Variants in ARHGEF18 observed in about 807,000 individuals in gnomAD.
ARHGEF18 encodes Rho/Rac guanine nucleotide exchange factor 18.
A neutral mutation model predicts 155.7 loss-of-function variants in ARHGEF18; 93 were observed. That is an observed-to-expected ratio of 0.60 (90% CI 0.50 to 0.71). The LOEUF is 0.71. ARHGEF18 is among the 30% of genes least tolerant of loss of function. ARHGEF18 has a pLI of 0.00. For synonymous variants in ARHGEF18, 742 were observed against 753.1 expected (o/e 0.99, Z 0.24); for missense variants, 1,593 against 1,816.1 (o/e 0.88, Z 2.23).
intron 2 of ARHGEF18, among the ~76,000 whole-genome samples, chr19:7,372,456 A>G (rs1023221362): frequency 6.9e-6 from 1 of 144,382 alleles, no homozygotes; most frequent in Non-Finnish European, 1.5e-5. Context: ...TAGGAACAGG[A>G]GCAGAAACTG....
intron 10 of ARHGEF18, among the ~76,000 whole-genome samples, chr19:7,416,707 A>G (rs1254215461): frequency 6.7e-6 from 1 of 148,396 alleles, no homozygotes; most frequent in African/African-American, 2.5e-5. Context: ...GGTTCACACC[A>G]TTCTCCTGCC....
chr19:7,367,915 A>T (rs1425896215), intron 2 of ARHGEF18, among the ~76,000 whole-genome samples: 1 of 119,284 alleles, frequency 8.4e-6, no homozygotes, highest in Non-Finnish European at 1.7e-5. Flanking sequence ...TATATATTTT[A>T]TATATATATA....
chr19:7,410,654 A>T (rs12974647), intron 10 of ARHGEF18, among the ~76,000 whole-genome samples: 2 of 151,632 alleles, frequency 1.3e-5, no homozygotes, highest in Non-Finnish European at 2.9e-5. Flanking sequence ...TACTAAAAAT[A>T]AAAAAATTAG....
At chr19:7,478,163 G>T in the ARHGEF18 span, 1 of 778,564 alleles carries the variant, frequency 1.3e-6, no homozygotes, top group Non-Finnish European at 2.0e-6. Context: ...ATCTGTAAAA[G>T]GTACCGCCAC....
intron 1 of ARHGEF18, among the ~76,000 whole-genome samples, chr19:7,353,144 T>C (rs1378040966): frequency 6.6e-6 from 1 of 151,896 alleles, no homozygotes; most frequent in African/African-American, 2.4e-5. Context: ...CCCCTAGGTT[T>C]CCTTTCTTTC....
At chr19:7,352,508 T>C in intron 1 of ARHGEF18, among the ~76,000 whole-genome samples, 1 of 149,888 alleles carries the variant, frequency 6.7e-6, no homozygotes, top group East Asian at 1.9e-4. Context: ...TTACATTATG[T>C]CCTTCTCACT....
intron 13 of ARHGEF18, among the ~76,000 whole-genome samples, chr19:7,442,991 G>A (rs1371323906): frequency 6.6e-6 from 1 of 151,284 alleles, no homozygotes; most frequent in Non-Finnish European, 1.5e-5. Flanking sequence ...CCAGGTTCAA[G>A]CAATTGTCCT....
At chr19:7,469,189 C>T (rs2241396) in intron 27 of ARHGEF18, 58 bp downstream of exon 27, 531,994 of 1,489,106 alleles carry the variant, frequency 0.36, 96,494 homozygotes, top group Middle Eastern at 0.46. Flanking sequence ...CAGGCTCTAG[C>T]GGCTCGCTGG....
intron 10 of ARHGEF18, among the ~76,000 whole-genome samples, chr19:7,425,328 G>GA (rs1049050733): frequency 2.0e-5 from 3 of 151,936 alleles, no homozygotes; most frequent in South Asian, 2.1e-4. Flanking sequence ...TACATCAATG[G>GA]AAAAAAGGTG....
At chr19:7,418,690 G>T (rs969941076) in intron 10 of ARHGEF18, among the ~76,000 whole-genome samples, 2 of 152,066 alleles carry the variant, frequency 1.3e-5, no homozygotes, top group Non-Finnish European at 2.9e-5. Context: ...GTGGGGGTTT[G>T]AGCCCGGGCA....
At chr19:7,430,187 T>C (rs996843449) in intron 10 of ARHGEF18, among the ~76,000 whole-genome samples, 1 of 152,092 alleles carries the variant, frequency 6.6e-6, no homozygotes, top group African/African-American at 2.4e-5. Context: ...ACTTTTGAGA[T>C]ACTTCCCTGT....
chr19:7,374,831 A>T (rs1970359930), intron 3 of ARHGEF18, among the ~76,000 whole-genome samples: 1 of 152,210 alleles, frequency 6.6e-6, no homozygotes, highest in African/African-American at 2.4e-5. Context: ...GCTTGCATGC[A>T]TACGCATGAA....
chr19:7,458,293 A>G (rs1471439691), intron 18 of ARHGEF18, among the ~76,000 whole-genome samples: 1 of 101,662 alleles, frequency 9.8e-6, no homozygotes, highest in Non-Finnish European at 2.0e-5. Context: ...CCTCCAAGAT[A>G]GTTTAAAAAA....
chr19:7,478,975 C>T, the ARHGEF18 span, among the ~76,000 whole-genome samples: 1 of 152,212 alleles, frequency 6.6e-6, no homozygotes. Context: ...GGCACCCACC[C>T]GGGCCAGTCC....
Position 7,444,585 on chromosome 19 carries a change from A to AATGCAGCCTC in ARHGEF18, c.1611+133_1611+142dup. The stretch of plus-strand genomic sequence containing the variant: ...GAGTGCAGTGGTGCAGTCACAGCTC[A>AATGCAGCCTC]ATGCAGCCTCAACCTCTCAGGCTCA... On this transcript the variant is annotated intron_variant, in intron 14 of 28. Coordinates refer to ENST00000668164, the MANE Select transcript of ARHGEF18 (RefSeq NM_001367823.1). The surrounding 1 kb of genome is among the most constrained non-coding windows in gnomAD (Gnocchi z 4.7). 2.3e-6 allele frequency: 3 copies of AATGCAGCCTC among 1,319,942 alleles called. No homozygotes were observed. The South Asian group carries it at 4.4e-5, about 19-fold the overall frequency. The allele number at this position is 1,319,942 out of a possible 1,614,324, so 81.8% of individuals were successfully genotyped here.
chr19:7,351,707 T>C (rs9749250), intron 1 of ARHGEF18, among the ~76,000 whole-genome samples: 12,954 of 147,386 alleles, frequency 0.088, 1,887 homozygotes, highest in African/African-American at 0.3. Flanking sequence ...TCTCTCTCTT[T>C]TTTTTTTTTT....
At chr19:7,477,179 G>A (rs1418482834), downstream of ARHGEF18, 2 of 1,446,354 alleles carry the variant, frequency 1.4e-6, no homozygotes, top group South Asian at 3.0e-5. Flanking sequence ...CTCTGGCTGT[G>A]TCCCTGTGCT....
intron 16 of ARHGEF18, 93 bp downstream of exon 16, chr19:7,451,359 T>G (rs1376571883): frequency 9.8e-7 from 1 of 1,019,260 alleles, no homozygotes; most frequent in Non-Finnish European, 1.4e-6. Context: ...GCAAACTGAA[T>G]AAATTCCCTT....
Position 7,378,411 on chromosome 19 carries a change from C to T in ARHGEF18, c.559C>T (p.Leu187=), listed in dbSNP as rs1019340948. Reference sequence around the variant, plus strand: ...TCTTCCAGGCCTGGAACCTCCAGTGCTGGAGTGCATGGAAAAAGACCATGT... The same window carrying T: ...TCTTCCAGGCCTGGAACCTCCAGTGTTGGAGTGCATGGAAAAAGACCATGT... The part of the protein sequence containing the change: ...PPVQGLEPPV[L]ECMEKDHVEP... The change falls in exon 6 of 29, where the codon CTG becomes TTG. Residue 187 remains leucine, a synonymous_variant. Transcript: ENST00000668164. 8.1e-7 allele frequency: 1 copy of T among 1,234,340 alleles called. No homozygotes were observed. The highest frequency in any genetic ancestry group is 1.0e-6 in the Non-Finnish European group (1 of 988,310). The allele number at this position is 1,234,340 out of a possible 1,614,324, so 76.5% of individuals were successfully genotyped here.
Sources: allele counts gnomAD v4.1 joint callset (sites outside exome capture counted in the v4.1 genomes callset), GRCh38; gene constraint gnomAD v4.1.1; non-coding constraint Gnocchi (gnomAD v3.1); transcripts MANE v1.5; gene names NCBI Gene and HGNC (gene_info 2026-07-23, HGNC 2026-07-21).